The following ZNF729 variants were observed in gnomAD, a reference collection of about 807,000 sequenced individuals.
ZNF729 encodes zinc finger protein 729.
Under a neutral mutation model 12.2 loss-of-function variants are expected in ZNF729, and 15 were observed. The ratio of observed to expected loss-of-function variants is 1.23; its 90% confidence interval spans 0.82 to 1.89. The LOEUF is 1.89. ZNF729 is among the 40% of genes most tolerant of loss of function. The pLI is 0.00. For synonymous variants in ZNF729, 492 were observed against 476.3 expected (o/e 1.03, Z -0.43); for missense variants, 1,540 against 1,456.7 (o/e 1.06, Z -0.93).
intron 1 of ZNF729, among the ~76,000 whole-genome samples, chr19:22,297,209 A>G (rs1250372744): frequency 6.6e-6 from 1 of 151,798 alleles, no homozygotes; most frequent in East Asian, 1.9e-4. Context: ...GTCAGAATCT[A>G]CATCTCTTCT....
Position 22,315,517 on chromosome 19 carries a change from A to T in ZNF729, c.2100A>T (p.Arg700Ser), listed in dbSNP as rs1264752747. 1.2e-6 allele frequency: 2 copies of T among 1,610,748 alleles called. No individual in the cohort carries two copies. Among genetic ancestry groups the T allele is most frequent in the African/African-American group, 2.7e-5 (2 of 74,660 alleles). ...CTTTTAGCCATTTCTCAGCCCTTAGAAGACATAAGATAATTCATACTGGAG... is the reference window on the plus strand; with the variant it reads ...CTTTTAGCCATTTCTCAGCCCTTAGTAGACATAAGATAATTCATACTGGAG... The part of the protein sequence containing the change: ...GKAFSHFSAL[R>S]RHKIIHTGEK... Residue 700 changes from arginine (R) to serine (S), a missense_variant, in exon 4 of 4, where the codon AGA becomes AGT. Physicochemically the swap from Arg to Ser is moderately radical, Grantham distance 110. Coordinates refer to ENST00000601693, the MANE Select transcript of ZNF729 (RefSeq NM_001242680.2).
chr19:22,312,258 G>A (rs149929116), intron 3 of ZNF729, among the ~76,000 whole-genome samples: 2 of 150,898 alleles, frequency 1.3e-5, no homozygotes, highest in African/African-American at 4.9e-5. Flanking sequence ...TTTTTGATTG[G>A]GCCATGTTGT....
chr19:22,312,440 T>TTGTGTGTATGTG (rs756607431), intron 3 of ZNF729, among the ~76,000 whole-genome samples: 4 of 144,552 alleles, frequency 2.8e-5, no homozygotes, highest in African/African-American at 1.1e-4. Context: ...TTGTCTGAAA[T>TTGTGTGTATGTG]TGTGTGTGTG....
At position 22,301,546 on chromosome 19, in the gene ZNF729, C is replaced by T. The variant is rs1042186206; in HGVS notation, c.31-2212C>T. Among the ~76,000 whole-genome samples, 47 of 152,398 alleles carry T rather than the reference C, an allele frequency of 3.1e-4. 1 individual carries two copies. The highest frequency in any genetic ancestry group is 8.4e-4 in the African/African-American group (35 of 41,608). The stretch of plus-strand genomic sequence containing the variant: ...TCTGCCTAAGATTTACAAGACAGGG[C>T]CAAACTTTGAATTGAGAGTATGCAG... On this transcript the variant is annotated intron_variant, in intron 1 of 3. Coordinates refer to ENST00000601693, the MANE Select transcript of ZNF729 (RefSeq NM_001242680.2).
Position 22,316,393 on chromosome 19 carries a change from C to T in ZNF729, c.2976C>T (p.Tyr992=), listed in dbSNP as rs776315657. ...CAATTCATACTGGGGAGAAACCCTA[C>T]AAATGCGAAGAATGTGGCAAAGATT... ...HKAIHTGEKP[Y]KCEECGKDFN... is the part of the protein sequence containing the mutation. Residue 992 remains tyrosine (Y), a synonymous_variant, in exon 4 of 4, where the codon TAC becomes TAT. Transcript: ENST00000601693. The T allele has an allele frequency of 9.3e-6, 15 of 1,613,592 alleles. No homozygotes were observed. The highest frequency in any genetic ancestry group is 1.3e-5 in the African/African-American group (1 of 74,904).
intron 1 of ZNF729, among the ~76,000 whole-genome samples, chr19:22,289,766 G>A (rs958970460): frequency 6.6e-6 from 1 of 152,036 alleles, no homozygotes; most frequent in Non-Finnish European, 1.5e-5. Flanking sequence ...TTTTTGCAGG[G>A]TAAATTTGTA....
intron 3 of ZNF729, among the ~76,000 whole-genome samples, chr19:22,309,350 CAGG>C (rs1229913470): frequency 1.3e-5 from 2 of 152,092 alleles, no homozygotes; most frequent in African/African-American, 4.8e-5. Context: ...GAGGCTGAGG[CAGG>C]AGAATTGCTT....
intron 2 of ZNF729, among the ~76,000 whole-genome samples, chr19:22,304,104 T>A (rs1220320831): frequency 2.7e-5 from 4 of 146,246 alleles, no homozygotes; most frequent in Non-Finnish European, 4.5e-5. Context: ...AGTGGTGCAA[T>A]CTCAGCTCAC....
At chr19:22,298,121 G>A (rs1167492156) in intron 1 of ZNF729, among the ~76,000 whole-genome samples, 5 of 151,220 alleles carry the variant, frequency 3.3e-5, no homozygotes, top group South Asian at 4.2e-4. Context: ...ACAGAAAACC[G>A]ATTATACAAG....
chr19:22,304,042 T>TTC (rs1001430699), intron 2 of ZNF729, among the ~76,000 whole-genome samples, 158 bp downstream of exon 2: 2 of 150,728 alleles, frequency 1.3e-5, no homozygotes. Flanking sequence ...GGAATTTTTT[T>TTC]TTTTTTTTTT....
rs552691498 is a variant in ZNF729, at chr19:22,294,296, G to C, written c.30+7741G>C. On this transcript the variant is annotated intron_variant, in intron 1 of 3. Coordinates refer to ENST00000601693, the MANE Select transcript of ZNF729 (RefSeq NM_001242680.2). ...TTATAGGCGTGTGGCATTATTTCTGGGCTCTCTATTCTGTTGCATTGGTCT... is the reference window on the plus strand; with the variant it reads ...TTATAGGCGTGTGGCATTATTTCTGCGCTCTCTATTCTGTTGCATTGGTCT... Among the ~76,000 whole-genome samples the C allele has an allele frequency of 2.5e-3, 373 of 152,150 alleles. 1 individual carries two copies. Among genetic ancestry groups the C allele is most frequent in the African/African-American group, 8.5e-3 (352 of 41,522 alleles).
At chr19:22,311,246 G>GT (rs1369466641) in intron 3 of ZNF729, among the ~76,000 whole-genome samples, 2 of 151,830 alleles carry the variant, frequency 1.3e-5, no homozygotes, top group African/African-American at 2.4e-5. Context: ...TTTGCGTTTG[G>GT]TTTTTTCTTG....
At position 22,315,397 on chromosome 19, in the gene ZNF729, A is replaced by G. The variant is rs757174790; in HGVS notation, c.1980A>G (p.Glu660=). The change falls in exon 4 of 4, where the codon GAA becomes GAG. Residue 660 remains glutamate (E), a synonymous_variant. Coordinates refer to ENST00000601693, the MANE Select transcript of ZNF729 (RefSeq NM_001242680.2). The part of the protein sequence containing the change: ...HTGEKPYKCE[E]CGKAFSHFSA... ...GAGAGAAACCTTACAAATGTGAAGA[A>G]TGTGGCAAAGCTTTTAGCCATTTCT... The G allele has an allele frequency of 6.2e-7, 1 of 1,613,562 alleles. No individual in the cohort carries two copies. The highest frequency in any genetic ancestry group is 8.5e-7 in the Non-Finnish European group (1 of 1,179,812).
Position 22,316,603 on chromosome 19 carries a change from A to G in ZNF729, c.3186A>G (p.Lys1062=), listed in dbSNP as rs755319911. The G allele has an allele frequency of 3.1e-6, 5 of 1,610,158 alleles. No individual in the cohort carries two copies. Among genetic ancestry groups the G allele is most frequent in the Non-Finnish European group, 4.2e-6 (5 of 1,178,870 alleles). The change falls in exon 4 of 4, where the codon AAA becomes AAG. Residue 1062 remains lysine, a synonymous_variant. Transcript: ENST00000601693. ...GTAAAGCTTTTAAGTGGTCCTCAAA[A>G]CTTACTGAACATAAGGTAATTCATA... is the stretch of plus-strand genomic sequence containing the variant. ...ECGKAFKWSS[K]LTEHKVIHTG...
chr19:22,293,028 T>C (rs1222445228), intron 1 of ZNF729, among the ~76,000 whole-genome samples: 1 of 152,222 alleles, frequency 6.6e-6, no homozygotes, highest in Non-Finnish European at 1.5e-5. Flanking sequence ...CAGCATGTTA[T>C]TTTTTGACTT....
chr19:22,293,214 C>T (rs752397109), intron 1 of ZNF729, among the ~76,000 whole-genome samples: 42 of 152,054 alleles, frequency 2.8e-4, no homozygotes, highest in Middle Eastern at 3.2e-3. Context: ...GAGACGAAGT[C>T]TCACTCTGTC....
intron 1 of ZNF729, among the ~76,000 whole-genome samples, chr19:22,291,974 C>T (rs1188099244): frequency 1.8e-4 from 27 of 152,150 alleles, no homozygotes; most frequent in African/African-American, 6.0e-4. Flanking sequence ...TCTCGTGATC[C>T]GCCCACCTCA....
intron 1 of ZNF729, among the ~76,000 whole-genome samples, chr19:22,297,954 G>T (rs1389084563): frequency 7.4e-6 from 1 of 136,038 alleles, no homozygotes. Flanking sequence ...GCAGTGAGCC[G>T]AGATCACCCC....
intron 3 of ZNF729, among the ~76,000 whole-genome samples, chr19:22,307,617 C>A (rs1968395933): frequency 6.6e-6 from 1 of 150,882 alleles, no homozygotes; most frequent in Non-Finnish European, 1.5e-5. Flanking sequence ...GTGGTGCATG[C>A]CTGTAGTCCC....
Sources: gnomAD v4.1 joint callset for allele counts (sites outside exome capture counted in the v4.1 genomes callset) on GRCh38, gnomAD v4.1.1 for gene constraint, MANE v1.5 for transcripts, NCBI Gene and HGNC (gene_info 2026-07-23, HGNC 2026-07-21) for gene names.